STK3: variants seen among roughly 807,000 people sequenced by gnomAD.
STK3 encodes serine/threonine kinase 3, also known as serine/threonine-protein kinase 3.
STK3 carries 41 observed loss-of-function variants against 58.0 expected under a neutral mutation model. That is an observed-to-expected ratio of 0.71 (90% CI 0.55 to 0.92). The LOEUF is 0.92. STK3 is among the 40% of genes least tolerant of loss of function. The pLI is 0.00. For synonymous variants in STK3, 170 were observed against 191.0 expected (o/e 0.89, Z 0.91); for missense variants, 479 against 602.7 (o/e 0.79, Z 2.15).
At chr8:98,715,118 T>C (rs1421697433) in intron 4 of STK3, among the ~76,000 whole-genome samples, 4 of 151,708 alleles carry the variant, frequency 2.6e-5, no homozygotes, top group Admixed American at 1.3e-4. Context: ...TTACACCTTA[T>C]ACAAAAATTA....
chr8:98,515,763 T>G (rs1231810800), intron 10 of STK3, among the ~76,000 whole-genome samples: 1 of 151,956 alleles, frequency 6.6e-6, no homozygotes, highest in Admixed American at 6.6e-5. Flanking sequence ...TTTTTATTCT[T>G]GCAGCTTTTA....
At chr8:98,595,769 G>GA (rs533719667) in intron 7 of STK3, 11,536 of 281,980 alleles carry the variant, frequency 0.041, no homozygotes, top group East Asian at 0.061. Context: ...AGGAACAGAA[G>GA]AAAAAAAAAA....
At chr8:98,843,901 C>T (rs1836092524) in intron 3 of STK3, among the ~76,000 whole-genome samples, 2 of 152,240 alleles carry the variant, frequency 1.3e-5, no homozygotes, top group African/African-American at 4.8e-5. Flanking sequence ...CCTGTAATCC[C>T]AGCTACTCCA....
intron 8 of STK3, among the ~76,000 whole-genome samples, chr8:98,571,748 C>T (rs1309386080): frequency 3.9e-5 from 6 of 152,172 alleles, no homozygotes; most frequent in Non-Finnish European, 8.8e-5. Context: ...GGACCTGATA[C>T]ATGCATAAAA....
chr8:98,844,996 G>C (rs545400121), intron 3 of STK3, among the ~76,000 whole-genome samples: 2 of 152,314 alleles, frequency 1.3e-5, no homozygotes, highest in East Asian at 3.9e-4. Context: ...GAGCATCCCA[G>C]TGGCAATGAC....
At chr8:98,856,313 T>C (rs1219512931) in intron 3 of STK3, among the ~76,000 whole-genome samples, 2 of 136,946 alleles carry the variant, frequency 1.5e-5, no homozygotes, top group African/African-American at 5.4e-5. Context: ...TGAGTGAGAC[T>C]CCATCTCAAA....
At chr8:98,580,177 T>A (rs948046938) in intron 7 of STK3, among the ~76,000 whole-genome samples, 6 of 152,216 alleles carry the variant, frequency 3.9e-5, no homozygotes, top group African/African-American at 1.4e-4. Context: ...ATTTAATTAA[T>A]CTTAATAAGT....
At chr8:98,376,312 C>A (rs1817673732) in intron 2 of STK3, among the ~76,000 whole-genome samples, 1 of 152,148 alleles carries the variant, frequency 6.6e-6, no homozygotes, top group African/African-American at 2.4e-5. Flanking sequence ...CTTCTATATT[C>A]TGGATACAAG....
intron 1 of STK3, among the ~76,000 whole-genome samples, chr8:98,908,548 G>A (rs1839002615): frequency 6.6e-6 from 1 of 152,108 alleles, no homozygotes; most frequent in Admixed American, 6.5e-5. Flanking sequence ...CCAAGACCTT[G>A]TCTCAAAGCA....
At chr8:98,583,171 A>C (rs1256447875) in intron 7 of STK3, among the ~76,000 whole-genome samples, 1 of 152,002 alleles carries the variant, frequency 6.6e-6, no homozygotes, top group African/African-American at 2.4e-5. Flanking sequence ...GGTTAATTTC[A>C]CTTTTTACAT....
intron 6 of STK3, among the ~76,000 whole-genome samples, chr8:98,687,926 T>C (rs1293837014): frequency 2.6e-5 from 4 of 152,164 alleles, no homozygotes; most frequent in Non-Finnish European, 5.9e-5. Flanking sequence ...ACCTCACATA[T>C]CAATATTAAC....
intron 1 of STK3, among the ~76,000 whole-genome samples, 189 bp downstream of exon 1, chr8:98,825,326 C>T (rs1587712127): frequency 6.6e-6 from 1 of 152,110 alleles, no homozygotes; most frequent in South Asian, 2.1e-4. Flanking sequence ...CTCCGGCTCC[C>T]GCTCCCCTCA....
At chr8:98,798,472 T>C (rs1833320315) in intron 1 of STK3, among the ~76,000 whole-genome samples, 1 of 152,228 alleles carries the variant, frequency 6.6e-6, no homozygotes, top group Non-Finnish European at 1.5e-5. Context: ...TATTCTTGAC[T>C]GAGTGGCTTT....
chr8:98,514,748 T>C (rs1824798311), intron 10 of STK3, among the ~76,000 whole-genome samples: 2 of 151,992 alleles, frequency 1.3e-5, no homozygotes, highest in South Asian at 4.1e-4. Context: ...CTCTGGTTGA[T>C]CTCATATACT....
chr8:98,884,200 A>T (rs1319085756), intron 1 of STK3, among the ~76,000 whole-genome samples: 1 of 151,674 alleles, frequency 6.6e-6, no homozygotes, highest in Non-Finnish European at 1.5e-5. Context: ...TATATATGTG[A>T]TCTATTTTTT....
At chr8:98,488,431 C>G (rs1173332490) in intron 10 of STK3, among the ~76,000 whole-genome samples, 1 of 152,106 alleles carries the variant, frequency 6.6e-6, no homozygotes, top group Non-Finnish European at 1.5e-5. Flanking sequence ...ACTATTCTCC[C>G]TAGTGGTAAC....
At chr8:98,346,482 C>G in the STK3 span, among the ~76,000 whole-genome samples, 1 of 150,864 alleles carries the variant, frequency 6.6e-6, no homozygotes, top group African/African-American at 2.4e-5. Flanking sequence ...TCAATGAACA[C>G]CAAGTAAAAG....
At chr8:98,547,477 T>C (rs1202894366) in intron 9 of STK3, among the ~76,000 whole-genome samples, 3 of 152,330 alleles carry the variant, frequency 2.0e-5, no homozygotes, top group African/African-American at 4.8e-5. Flanking sequence ...TAAATATTCA[T>C]GCAACTGAAT....
At chr8:98,387,793 G>A (rs4734403) in intron 1 of STK3, among the ~76,000 whole-genome samples, 14,386 of 151,534 alleles carry the variant, frequency 0.095, 1,611 homozygotes, top group African/African-American at 0.25. Context: ...ACCTAGTAAC[G>A]GTGAGCACCC....
Sources: allele counts gnomAD v4.1 joint callset (sites outside exome capture counted in the v4.1 genomes callset), GRCh38; gene constraint gnomAD v4.1.1; transcripts MANE v1.5; gene names NCBI Gene and HGNC (gene_info 2026-07-23, HGNC 2026-07-21).